Variants in MPIG6B observed in about 807,000 individuals in gnomAD.
MPIG6B encodes megakaryocyte and platelet inhibitory receptor G6b.
Under a neutral mutation model 24.2 loss-of-function variants are expected in MPIG6B, and 22 were observed. The ratio of observed to expected loss-of-function variants is 0.91; its 90% confidence interval spans 0.65 to 1.30. MPIG6B has a LOEUF of 1.30. Ranked by LOEUF, MPIG6B falls within the 50% of genes most tolerant of loss-of-function variation. The probability of loss-of-function intolerance (pLI) is 0.00; values close to 1 mark genes in which losing one functional copy is unlikely to be tolerated. For missense variants in MPIG6B, 301 were observed against 318.5 expected, an observed-to-expected ratio of 0.94 and a Z score of 0.42; for synonymous variants, 136 against 142.0, an observed-to-expected ratio of 0.96 and a Z score of 0.30.
At position 31,723,816 on chromosome 6, in the gene MPIG6B, T is replaced by C. The variant is rs199797922; in HGVS notation, c.239T>C (p.Phe80Ser). Reference protein sequence around the residue: ...GTPTVPPLQPFVGRLRSLDSG... With the variant: ...GTPTVPPLQPSVGRLRSLDSG... ...CCCACCGTGCCTCCCCTCCAGCCTTTCGTCGGCCGCCTACGCTCCCTGGAC... is the reference window on the plus strand; with the variant it reads ...CCCACCGTGCCTCCCCTCCAGCCTTCCGTCGGCCGCCTACGCTCCCTGGAC... Residue 80 changes from phenylalanine to serine, a missense_variant, in exon 2 of 6, where the codon TTC becomes TCC. Coordinates refer to ENST00000649779, the MANE Select transcript of MPIG6B (RefSeq NM_138272.3). The surrounding 1 kb of genome is among the most constrained non-coding windows in gnomAD (Gnocchi z 4.3). 2.5e-5 allele frequency: 40 copies of C among 1,613,770 alleles called. No individual in the cohort carries two copies. In the East Asian group the frequency reaches 2.9e-4, roughly 12 times the overall value.
chr6:31,724,422 G>A (rs1807151517), intron 3 of MPIG6B, 165 bp from the exon 4 acceptor site: 4 of 771,116 alleles, frequency 5.2e-6, no homozygotes, highest in Non-Finnish European at 6.7e-6. Context: ...AGATGAGCTG[G>A]AAGTGCAGCA....
In MPIG6B at chr6:31,724,972, C is replaced by T. The variant is rs776844773; in HGVS notation, c.624C>T (p.Ser208=). The T allele has an allele frequency of 6.2e-7, 1 of 1,613,770 alleles. No homozygotes were observed. The highest frequency in any genetic ancestry group is 8.5e-7 in the Non-Finnish European group (1 of 1,179,842). ...TCTTCCTCCCCTTCCTCCTCCAGAG[C>T]CTGCTCTATGCGGATCTGGACCATC... ...KIPGDLDQEP[S]LLYADLDHLA... Residue 208 remains serine, a splice_region_variant and synonymous_variant, in exon 6 of 6, where the codon AGC becomes AGT. Coordinates refer to ENST00000649779, the MANE Select transcript of MPIG6B (RefSeq NM_138272.3).
In MPIG6B at chr6:31,724,156, C is replaced by T; in HGVS notation, c.424C>T (p.Gln142Ter). 1 of 1,613,056 alleles carries T rather than the reference C, an allele frequency of 6.2e-7. No individual in the cohort carries two copies. The highest frequency in any genetic ancestry group is 8.5e-7 in the Non-Finnish European group (1 of 1,179,832). The change falls in exon 3 of 6, where the codon CAG becomes TAG. Residue 142 changes from glutamine to a stop codon, truncating the protein, a stop_gained. Coordinates refer to ENST00000649779, the MANE Select transcript of MPIG6B (RefSeq NM_138272.3). LOFTEE classifies it high-confidence loss of function. Reference protein sequence around the residue: ...PGPTHGSVYPQLLIPLLGAGL... With the variant: ...PGPTHGSVYP ...CTTTCCCCCAGGGTCCGTGTATCCC[C>T]AGCTCCTGATCCCGCTGCTGGGCGC...
At chr6:31,720,363 C>G (rs1162546098), upstream of MPIG6B, among the ~76,000 whole-genome samples, 1 of 152,166 alleles carries the variant, frequency 6.6e-6, no homozygotes, top group Non-Finnish European at 1.5e-5. The surrounding 1 kb of genome is among the most constrained non-coding windows in gnomAD (Gnocchi z 4.9). Flanking sequence ...GTGAGTGATG[C>G]AGGGAAAATG....
upstream of MPIG6B, among the ~76,000 whole-genome samples, chr6:31,722,845 C>CAAAAAAAAA (rs9281563): frequency 2.7e-5 from 2 of 74,586 alleles, no homozygotes; most frequent in Non-Finnish European, 2.9e-5. Context: ...GACTCTGACT[C>CAAAAAAAAA]AAAAAAAAAA....
At chr6:31,724,931 T>G in intron 5 of MPIG6B, 39 bp from the exon 6 acceptor site, 2 of 1,608,370 alleles carry the variant, frequency 1.2e-6, no homozygotes, top group Non-Finnish European at 1.7e-6. Flanking sequence ...CAAGGAAGAC[T>G]GTGGAGACCA....
In MPIG6B at chr6:31,723,810, AGCCTTTCGTCGGCC is replaced by A. The variant is rs763453337; in HGVS notation, c.238_251del (p.Phe80ThrfsTer95). On this transcript the variant is annotated frameshift_variant, in exon 2 of 6. Transcript: ENST00000649779. LOFTEE classifies it high-confidence loss of function. The surrounding 1 kb of genome is among the most constrained non-coding windows in gnomAD (Gnocchi z 4.3). ...GGGACCCCCACCGTGCCTCCCCTCCAGCCTTTCGTCGGCCGCCTACGCTCCCTGGACTCTGGTAT... is the reference window on the plus strand; with the variant it reads ...GGGACCCCCACCGTGCCTCCCCTCCAGCCTACGCTCCCTGGACTCTGGTAT... 1 of 1,613,924 alleles carries A rather than the reference AGCCTTTCGTCGGCC, an allele frequency of 6.2e-7. No homozygotes were observed. The highest frequency in any genetic ancestry group is 1.7e-5 in the Admixed American group (1 of 59,996).
In MPIG6B at chr6:31,724,152, TC is replaced by T; in HGVS notation, c.424del (p.Gln142SerfsTer3). Reference protein sequence around the residue: ...APGPTHGSVYPQLLIPLLGAG... With the variant: ...APGPTHGSVYXQLLIPLLGAG... ...ACGCCTTTCCCCCAGGGTCCGTGTA[TC>T]CCCAGCTCCTGATCCCGCTGCTGGG... On this transcript the variant is annotated frameshift_variant, in exon 3 of 6. Transcript: ENST00000649779. LOFTEE classifies it high-confidence loss of function. 1 of 1,612,860 alleles carries T rather than the reference TC, an allele frequency of 6.2e-7. No homozygotes were observed. The highest frequency in any genetic ancestry group is 8.5e-7 in the Non-Finnish European group (1 of 1,179,760).
upstream of MPIG6B, chr6:31,721,628 C>T (rs1043326954): frequency 5.0e-5 from 80 of 1,613,630 alleles, no homozygotes; most frequent in Non-Finnish European, 6.4e-5. Flanking sequence ...AGGTGCTCAC[C>T]TGAGACCCAG....
Position 31,724,793 on chromosome 6 carries a change from G to C in MPIG6B, c.570G>C (p.Arg190Ser). 1.2e-6 allele frequency: 2 copies of C among 1,614,040 alleles called. No homozygotes were observed. The highest frequency in any genetic ancestry group is 1.7e-6 in the Non-Finnish European group (2 of 1,180,022). ...CACTTGTGAAAACCGAGCCCCAGAG[G>C]CCAGTAAAGGAGGAAGAGCCCAAGA... ...FAPLVKTEPQ[R>S]PVKEEEPKIP... Residue 190 changes from arginine (R) to serine (S), a missense_variant, in exon 5 of 6, where the codon AGG becomes AGC. Transcript: ENST00000649779.
chr6:31,722,203 C>T (rs1174373297), upstream of MPIG6B, among the ~76,000 whole-genome samples: 1 of 152,160 alleles, frequency 6.6e-6, no homozygotes, highest in Admixed American at 6.5e-5. Flanking sequence ...AAATTAATCT[C>T]CATTCAGCCC....
rs1440253757 is a variant in MPIG6B at position 31,723,518 on chromosome 6, G to A, written c.61+74G>A. On this transcript the variant is annotated intron_variant, in intron 1 of 5. Transcript: ENST00000649779. The surrounding 1 kb of genome is among the most constrained non-coding windows in gnomAD (Gnocchi z 4.3). ...AGATAAGGGCCGCCTAGTAGGGTGG[G>A]TTGTGTGTGGGAAGATCCAGGATGG... is the stretch of plus-strand genomic sequence containing the variant. 4 of 1,475,016 alleles carry A rather than the reference G, an allele frequency of 2.7e-6. No homozygotes were observed. Among genetic ancestry groups the A allele is most frequent in the African/African-American group, 2.8e-5 (2 of 72,034 alleles). The allele number at this position is 1,475,016 out of a possible 1,614,324, so 91.4% of individuals were successfully genotyped here. A position where few individuals can be genotyped will look rare whatever the true frequency, so the allele number is the denominator to read the frequency against.
At chr6:31,720,450 C>T (rs1458654295), upstream of MPIG6B, among the ~76,000 whole-genome samples, 1 of 152,062 alleles carries the variant, frequency 6.6e-6, no homozygotes, top group Non-Finnish European at 1.5e-5. This position sits in a 1 kb window ranked among gnomAD's most constrained non-coding sequence, Gnocchi z 4.9. Context: ...ATCACTCCAC[C>T]CCGTTTGGAG....
At chr6:31,720,443 A>G (rs981642579), upstream of MPIG6B, among the ~76,000 whole-genome samples, 1 of 151,968 alleles carries the variant, frequency 6.6e-6, no homozygotes, top group African/African-American at 2.4e-5. This position sits in a 1 kb window ranked among gnomAD's most constrained non-coding sequence, Gnocchi z 4.9. Context: ...ATCTTCCATC[A>G]CTCCACCCCG....
At chr6:31,722,352 C>A (rs927155719), upstream of MPIG6B, among the ~76,000 whole-genome samples, 4 of 152,182 alleles carry the variant, frequency 2.6e-5, no homozygotes, top group African/African-American at 9.7e-5. Flanking sequence ...CTGCCTCAGG[C>A]TCCCATGAAG....
chr6:31,724,280 G>A lies in MPIG6B; in HGVS notation c.500+48G>A, dbSNP rs764312482. The A allele has an allele frequency of 3.5e-6, 5 of 1,427,630 alleles. No homozygotes were observed. In the African/African-American group the frequency reaches 4.2e-5, roughly 12 times the overall value. 88.4% of individuals were successfully genotyped at this position (1,427,630 alleles called of 1,614,324 possible). A position where few individuals can be genotyped will look rare whatever the true frequency, so the allele number is the denominator to read the frequency against. ...CGTTAAATGGGGAGTGACCAGAGGTGGAAGGGGCAGGACCAGAACCTTCGC... is the reference window on the plus strand; with the variant it reads ...CGTTAAATGGGGAGTGACCAGAGGTAGAAGGGGCAGGACCAGAACCTTCGC... On this transcript the variant is annotated intron_variant, in intron 3 of 5. Transcript: ENST00000649779.
chr6:31,721,416 G>A (rs1228381478), upstream of MPIG6B, among the ~76,000 whole-genome samples: 4 of 152,084 alleles, frequency 2.6e-5, no homozygotes, highest in African/African-American at 9.7e-5. Context: ...CTTTCTTGGA[G>A]GTGGGGAGGA....
chr6:31,722,232 G>A (rs805292), upstream of MPIG6B, among the ~76,000 whole-genome samples: 48,469 of 151,986 alleles, frequency 0.32, 8,616 homozygotes, highest in African/African-American at 0.47. Flanking sequence ...TCTTTCCAAT[G>A]CCTGCTCAGC....
At chr6:31,724,918 C>T (rs774014574) in intron 5 of MPIG6B, 52 bp from the exon 6 acceptor site, 1 of 1,608,660 alleles carries the variant, frequency 6.2e-7, no homozygotes, top group Admixed American at 1.7e-5. Context: ...AAGGCCTGAA[C>T]CCCAAGGAAG....
Sources: gnomAD v4.1 joint callset for allele counts (sites outside exome capture counted in the v4.1 genomes callset) on GRCh38, gnomAD v4.1.1 for gene constraint, Gnocchi (gnomAD v3.1) non-coding constraint, MANE v1.5 for transcripts, NCBI Gene and HGNC (gene_info 2026-07-23, HGNC 2026-07-21) for gene names.